GDAP1: variants seen among roughly 807,000 people sequenced by gnomAD.
GDAP1 encodes the protein ganglioside induced differentiation associated protein 1, also known as ganglioside-induced differentiation-associated protein 1.
GDAP1 carries 34 observed loss-of-function variants against 40.1 expected under a neutral mutation model. That is an observed-to-expected ratio of 0.85 (90% CI 0.64 to 1.13). GDAP1 has a LOEUF of 1.13. GDAP1 is among the 50% of genes most tolerant of loss of function. GDAP1 has a pLI of 0.00. For synonymous variants in GDAP1, 170 were observed against 157.4 expected (o/e 1.08, Z -0.60); for missense variants, 374 against 433.7 (o/e 0.86, Z 1.22).
intron 2 of GDAP1, among the ~76,000 whole-genome samples, chr8:74,372,395 A>T (rs935990161): frequency 6.0e-4 from 92 of 152,190 alleles, no homozygotes; most frequent in African/African-American, 2.1e-3. Flanking sequence ...ACAGTGTAAA[A>T]GTGTTCCTAT....
chr8:74,415,478 C>A (rs1374603337), intron 2 of GDAP1, among the ~76,000 whole-genome samples: 1 of 149,798 alleles, frequency 6.7e-6, no homozygotes, highest in Non-Finnish European at 1.5e-5. Context: ...TGAAAGAAAC[C>A]ACAGACCCTT....
intron 2 of GDAP1, among the ~76,000 whole-genome samples, chr8:74,395,892 A>G (rs73686978): frequency 0.015 from 2,228 of 152,338 alleles, 61 homozygotes; most frequent in African/African-American, 0.051. Flanking sequence ...GAACTAAAAC[A>G]TAAAGTCAAG....
At chr8:74,385,580 G>A (rs1038058664) in intron 2 of GDAP1, among the ~76,000 whole-genome samples, 2 of 152,110 alleles carry the variant, frequency 1.3e-5, no homozygotes, top group African/African-American at 4.8e-5. Flanking sequence ...ATCTATCATT[G>A]ATGGACATTT....
At chr8:74,410,251 G>T (rs1385795494) in intron 2 of GDAP1, among the ~76,000 whole-genome samples, 2 of 149,546 alleles carry the variant, frequency 1.3e-5, no homozygotes, top group Non-Finnish European at 2.9e-5. Flanking sequence ...CAGCATTCAC[G>T]GGGAGAAGAA....
chr8:74,351,125 T>C, intron 1 of GDAP1, 149 bp from the exon 2 acceptor site: 1 of 733,876 alleles, frequency 1.4e-6, no homozygotes, highest in South Asian at 1.5e-5. Context: ...CTTTCCTTAC[T>C]TGTTAATTCC....
chr8:74,366,182 A>G lies in GDAP1; in HGVS notation c.*1815A>G, dbSNP rs1002140489. ...GAATGTGTTTATAATTTCCTTGTACAGTTTCTTTGGAAATACGTTAAAGAT... is the reference window on the plus strand; with the variant it reads ...GAATGTGTTTATAATTTCCTTGTACGGTTTCTTTGGAAATACGTTAAAGAT... On this transcript the variant is annotated 3_prime_UTR_variant, in exon 6 of 6. Transcript: ENST00000220822. The G allele has an allele frequency of 4.4e-6, 2 of 454,042 alleles. No homozygotes were observed. Among genetic ancestry groups the G allele is most frequent in the South Asian group, 3.1e-5 (2 of 64,174 alleles). The allele number at this position is 454,042 out of a possible 1,614,324, so 28.1% of individuals were successfully genotyped here.
chr8:74,376,478 A>T (rs1809854160), intron 2 of GDAP1, among the ~76,000 whole-genome samples: 1 of 151,380 alleles, frequency 6.6e-6, no homozygotes, highest in Non-Finnish European at 1.5e-5. Context: ...CCTCCTGAGT[A>T]GCTGGGACTA....
intron 2 of GDAP1, among the ~76,000 whole-genome samples, chr8:74,450,446 CA>C (rs1335064457): frequency 1.3e-5 from 2 of 151,506 alleles, no homozygotes; most frequent in African/African-American, 4.8e-5. Flanking sequence ...TTAAAATATT[CA>C]ATTCTGAATG....
intron 2 of GDAP1, among the ~76,000 whole-genome samples, chr8:74,432,312 G>T (rs1226413238): frequency 6.6e-6 from 1 of 152,130 alleles, no homozygotes; most frequent in Non-Finnish European, 1.5e-5. Context: ...AAGCTAGTTT[G>T]AGATGTATTT....
intron 2 of GDAP1, among the ~76,000 whole-genome samples, chr8:74,373,042 C>A (rs568757266): frequency 6.6e-6 from 1 of 152,220 alleles, no homozygotes; most frequent in South Asian, 2.1e-4. Context: ...TTGTTTTTGT[C>A]AGGTTTGTCA....
At position 74,445,435 on chromosome 8, in the gene GDAP1, C is replaced by A. The variant is rs114896687; in HGVS notation, c.166-43243C>A. Among the ~76,000 whole-genome samples the A allele has an allele frequency of 9.1e-3, 1,388 of 152,246 alleles. 27 individuals are homozygous for A. The highest frequency in any genetic ancestry group is 0.032 in the African/African-American group (1,320 of 41,554). On this transcript the variant is annotated intron_variant, in intron 2 of 2. Coordinates refer to the GDAP1 transcript ENST00000523640. Reference sequence around the variant, plus strand: ...AGAGGAGAAGCTGTTTATTTTGCTTCTTTTGCAAATTGTGTAATTCTATTT... The same window carrying A: ...AGAGGAGAAGCTGTTTATTTTGCTTATTTTGCAAATTGTGTAATTCTATTT...
At chr8:74,418,441 TATA>T (rs1805812767) in intron 2 of GDAP1, among the ~76,000 whole-genome samples, 1 of 152,344 alleles carries the variant, frequency 6.6e-6, no homozygotes, top group Non-Finnish European at 1.5e-5. Context: ...GCAGAGATAT[TATA>T]ATGTTTTTGG....
At chr8:74,401,792 G>A (rs1231377467) in intron 2 of GDAP1, among the ~76,000 whole-genome samples, 5 of 150,068 alleles carry the variant, frequency 3.3e-5, no homozygotes, top group Non-Finnish European at 7.3e-5. Flanking sequence ...CTGAGCTGCA[G>A]GTCTGTTGGA....
rs541898037 is a variant in GDAP1 at position 74,463,786 on chromosome 8, A to G, written c.166-24892A>G. On this transcript the variant is annotated intron_variant, in intron 2 of 2. Transcript: ENST00000523640. ...TTACTACCACAATTACAAGAAAGCA[A>G]TTCAGTAATTGTAATAGTAATCAAA... 3.9e-5 allele frequency among the ~76,000 whole-genome samples: 6 copies of G among 152,374 alleles called. No individual in the cohort carries two copies. In the East Asian group the frequency reaches 1.2e-3, roughly 29 times the overall value.
At chr8:74,414,004 C>A (rs1805747028) in intron 2 of GDAP1, among the ~76,000 whole-genome samples, 1 of 150,106 alleles carries the variant, frequency 6.7e-6, no homozygotes, top group African/African-American at 2.5e-5. Context: ...GAGATTCAAA[C>A]TATCGGCTAG....
downstream of GDAP1, among the ~76,000 whole-genome samples, chr8:74,371,706 T>C (rs1217222070): frequency 6.6e-6 from 1 of 151,956 alleles, no homozygotes; most frequent in East Asian, 1.9e-4. Flanking sequence ...AAAAATACAC[T>C]TCAGAATTTG....
chr8:74,440,922 T>C (rs1262722191), intron 2 of GDAP1, among the ~76,000 whole-genome samples: 1 of 152,160 alleles, frequency 6.6e-6, no homozygotes, highest in Non-Finnish European at 1.5e-5. Flanking sequence ...AATTAAATCT[T>C]TCAAAAGCAT....
intron 2 of GDAP1, among the ~76,000 whole-genome samples, chr8:74,436,833 T>TA (rs1333402876): frequency 1.3e-5 from 2 of 152,230 alleles, no homozygotes; most frequent in South Asian, 2.1e-4. Context: ...TTTCCTGCAC[T>TA]AAAAAACCCT....
chr8:74,389,452 T>A (rs117615843), intron 2 of GDAP1, among the ~76,000 whole-genome samples: 2,432 of 152,330 alleles, frequency 0.016, 30 homozygotes, highest in Non-Finnish European at 0.023. Flanking sequence ...TTAGGCTGGA[T>A]ATGAAATTCT....
Sources: allele counts gnomAD v4.1 joint callset (sites outside exome capture counted in the v4.1 genomes callset), GRCh38; gene constraint gnomAD v4.1.1; transcripts MANE v1.5; gene names NCBI Gene and HGNC (gene_info 2026-07-23, HGNC 2026-07-21).